Variants in PCDHGA7 observed in about 807,000 individuals in gnomAD.
PCDHGA7 encodes the protein protocadherin gamma-A7.
A neutral mutation model predicts 58.3 loss-of-function variants in PCDHGA7; 44 were observed. The ratio of observed to expected loss-of-function variants is 0.75; its 90% confidence interval spans 0.59 to 0.97. The LOEUF (loss-of-function observed/expected upper bound fraction) is 0.97. Ranked by LOEUF, PCDHGA7 falls within the 50% of genes least tolerant of loss-of-function variation. The pLI is 0.00. For missense variants in PCDHGA7, 1,266 were observed against 1,188.7 expected (o/e 1.06, Z -0.96); for synonymous variants, 516 against 504.2 (o/e 1.02, Z -0.31).
chr5:141,421,246 C>T (rs1047768415), intron 1 of PCDHGA7: 16 of 1,603,622 alleles, frequency 1.0e-5, no homozygotes, highest in Admixed American at 1.7e-5. Flanking sequence ...TCGGCTACAG[C>T]GCGGGGACCG....
chr5:141,417,900 G>C, intron 1 of PCDHGA7: 2 of 1,583,452 alleles, frequency 1.3e-6, no homozygotes, highest in Non-Finnish European at 1.7e-6. Context: ...GCCGGCCCGC[G>C]GCAGGTACTA....
chr5:141,482,492 T>C (rs1167963137), intron 1 of PCDHGA7, among the ~76,000 whole-genome samples: 1 of 144,468 alleles, frequency 6.9e-6, no homozygotes, highest in Non-Finnish European at 1.5e-5. Flanking sequence ...TTAAAAGTTA[T>C]CATTCTGGTA....
intron 1 of PCDHGA7, chr5:141,393,221 AG>A (rs1394795238): frequency 1.2e-6 from 2 of 1,613,690 alleles, no homozygotes; most frequent in South Asian, 2.2e-5. Flanking sequence ...TCCAGGTCGA[AG>A]ATCTAGAAGT....
At chr5:141,443,109 C>A (rs373919534) in intron 1 of PCDHGA7, among the ~76,000 whole-genome samples, 2 of 152,100 alleles carry the variant, frequency 1.3e-5, no homozygotes, top group South Asian at 2.1e-4. Flanking sequence ...CTGAACCTTG[C>A]TTTTCAAACC....
intron 1 of PCDHGA7, among the ~76,000 whole-genome samples, chr5:141,483,010 G>C (rs574078222): frequency 6.6e-6 from 1 of 152,006 alleles, no homozygotes; most frequent in Non-Finnish European, 1.5e-5. Flanking sequence ...GCTTGAACCC[G>C]GGAGGCAGAG....
chr5:141,483,660 G>GTCTGTA (rs2099584988), intron 1 of PCDHGA7, among the ~76,000 whole-genome samples: 1 of 152,094 alleles, frequency 6.6e-6, no homozygotes, highest in Non-Finnish European at 1.5e-5. Context: ...GTGTGTGTGT[G>GTCTGTA]TGTGTGTGTA....
At chr5:141,404,289 A>T in intron 1 of PCDHGA7, 1 of 1,614,006 alleles carries the variant, frequency 6.2e-7, no homozygotes. Context: ...ACTGACATCA[A>T]TGATAATCCA....
chr5:141,393,881 G>A (rs1003319572), intron 1 of PCDHGA7: 33 of 1,613,978 alleles, frequency 2.0e-5, no homozygotes, highest in Non-Finnish European at 2.8e-5. Context: ...TTAGCCCAGT[G>A]TTAGAAAATT....
chr5:141,502,679 T>C (rs943238781), intron 2 of PCDHGA7, among the ~76,000 whole-genome samples: 1 of 152,236 alleles, frequency 6.6e-6, no homozygotes, highest in Non-Finnish European at 1.5e-5. Flanking sequence ...TAGTATTCCC[T>C]GATGATCCTT....
chr5:141,489,339 C>T lies in PCDHGA7; in HGVS notation c.2425-5468C>T. 6.2e-7 allele frequency: 1 copy of T among 1,608,828 alleles called. No individual in the cohort carries two copies. On this transcript the variant is annotated intron_variant, in intron 1 of 3. Transcript: ENST00000518325. The surrounding 1 kb of genome is among the most constrained non-coding windows in gnomAD (Gnocchi z 4.5). ...GCTGGGTGTCTGGGCAGCTTCGTTA[C>T]TCAGTGGTGGAGGAGTCTGAGCCGG...
intron 1 of PCDHGA7, among the ~76,000 whole-genome samples, chr5:141,455,410 G>A (rs1332059386): frequency 6.6e-6 from 1 of 152,130 alleles, no homozygotes; most frequent in Non-Finnish European, 1.5e-5. Context: ...CAGAGACAGA[G>A]GGAGCGGGGC....
chr5:141,476,850 A>C lies in PCDHGA7; in HGVS notation c.2425-17957A>C, dbSNP rs747333239. Reference sequence around the variant, plus strand: ...GCGAATGACAATGCGCCTGTCTTCAACCAGTCCTTGTACCGGGCGCGCGTC... The same window carrying C: ...GCGAATGACAATGCGCCTGTCTTCACCCAGTCCTTGTACCGGGCGCGCGTC... On this transcript the variant is annotated intron_variant, in intron 1 of 3. Transcript: ENST00000518325. The surrounding 1 kb of genome is among the most constrained non-coding windows in gnomAD (Gnocchi z 7.6). The C allele has an allele frequency of 5.6e-6, 9 of 1,613,718 alleles. No individual in the cohort carries two copies. Among genetic ancestry groups the C allele is most frequent in the Non-Finnish European group, 7.6e-6 (9 of 1,180,054 alleles).
chr5:141,421,477 A>G (rs755936665), intron 1 of PCDHGA7: 23 of 1,614,022 alleles, frequency 1.4e-5, no homozygotes, highest in Non-Finnish European at 1.7e-6. Context: ...GCGAAGCGGC[A>G]GCTTGATCAC....
chr5:141,384,201 G>C lies in PCDHGA7; in HGVS notation c.1302G>C (p.Arg434Ser), dbSNP rs369190060. 1.9e-5 allele frequency: 30 copies of C among 1,613,802 alleles called. No individual in the cohort carries two copies. Among genetic ancestry groups the C allele is most frequent in the Non-Finnish European group, 2.5e-5 (29 of 1,179,882 alleles). The change falls in exon 1 of 4, where the codon AGG becomes AGC. Residue 434 changes from arginine (R) to serine (S), a missense_variant. Arg to Ser is a moderately radical substitution (Grantham distance 110). Transcript: ENST00000518325. The part of the protein sequence containing the change: ...ATDGGTPPLS[R>S]ETHIFMQVAD... ...ATGGTGGAACTCCTCCCTTGTCCAG[G>C]GAAACTCACATATTCATGCAGGTGG...
intron 2 of PCDHGA7, among the ~76,000 whole-genome samples, chr5:141,499,940 G>A (rs1158937971): frequency 4.0e-5 from 6 of 151,722 alleles, no homozygotes; most frequent in Non-Finnish European, 8.8e-5. Flanking sequence ...CACCCTCCTC[G>A]GCCTCCCAAA....
chr5:141,404,628 C>T (rs1183309479), intron 1 of PCDHGA7: 2 of 1,614,100 alleles, frequency 1.2e-6, no homozygotes, highest in Non-Finnish European at 1.7e-6. Flanking sequence ...AATGACAATG[C>T]CCCAGAAATC....
At position 141,477,961 on chromosome 5, in the gene PCDHGA7, C is replaced by T. The variant is rs199947431; in HGVS notation, c.2425-16846C>T. 21 of 1,614,048 alleles carry T rather than the reference C, an allele frequency of 1.3e-5. No homozygotes were observed. The Admixed American group carries it at 1.5e-4, about 12-fold the overall frequency. On this transcript the variant is annotated intron_variant, in intron 1 of 3. Coordinates refer to ENST00000518325, the MANE Select transcript of PCDHGA7 (RefSeq NM_018920.4). The surrounding 1 kb of genome is among the most constrained non-coding windows in gnomAD (Gnocchi z 4.9). Reference sequence around the variant, plus strand: ...CCTACAGTCTCTTGGGATCCCCTAACCAGAGCCTTTTTGCCATAGGGCTGC... The same window carrying T: ...CCTACAGTCTCTTGGGATCCCCTAATCAGAGCCTTTTTGCCATAGGGCTGC...
chr5:141,480,694 G>A (rs1446014656), intron 1 of PCDHGA7, among the ~76,000 whole-genome samples: 1 of 152,128 alleles, frequency 6.6e-6, no homozygotes, highest in Non-Finnish European at 1.5e-5. Flanking sequence ...TGAAACCCAG[G>A]CCACACCCCG....
Position 141,417,739 on chromosome 5 carries a change from C to G in PCDHGA7, c.2424+32416C>G, listed in dbSNP as rs1002260902. On this transcript the variant is annotated intron_variant, in intron 1 of 3. Transcript: ENST00000518325. The stretch of plus-strand genomic sequence containing the variant: ...GGCTGCGCAGACCTTGCCCAGCACA[C>G]CAGATTGCCAGCTCCGAGACCCGGG... 1.6e-5 allele frequency: 22 copies of G among 1,411,706 alleles called. No homozygotes were observed. In the African/African-American group the frequency reaches 1.7e-4, roughly 11 times the overall value. The allele number at this position is 1,411,706 out of a possible 1,614,324, so 87.4% of individuals were successfully genotyped here.
Sources: gnomAD v4.1 joint callset for allele counts (sites outside exome capture counted in the v4.1 genomes callset) on GRCh38, gnomAD v4.1.1 for gene constraint, Gnocchi (gnomAD v3.1) non-coding constraint, MANE v1.5 for transcripts, NCBI Gene and HGNC (gene_info 2026-07-23, HGNC 2026-07-21) for gene names.